TMEM135: variants seen among roughly 807,000 people sequenced by gnomAD.
TMEM135 encodes peroxisomal membrane protein 52.
In TMEM135, 30 loss-of-function variants were observed where a neutral mutation model predicts 60.3. The observed-to-expected ratio is 0.50, with a 90% CI of 0.37 to 0.68. The LOEUF is 0.68. Ranked by LOEUF, TMEM135 falls within the 30% of genes least tolerant of loss-of-function variation. The pLI, the probability that TMEM135 is intolerant of heterozygous loss-of-function variation, is 0.00. For synonymous variants in TMEM135, 190 were observed against 186.7 expected, an observed-to-expected ratio of 1.02 and a Z score of -0.14; for missense variants, 468 against 548.8, an observed-to-expected ratio of 0.85 and a Z score of 1.47.
intron 5 of TMEM135, among the ~76,000 whole-genome samples, chr11:87,231,939 T>G (rs898797154): frequency 1.3e-5 from 2 of 150,136 alleles, no homozygotes; most frequent in Non-Finnish European, 3.0e-5. Flanking sequence ...AAATGAAACA[T>G]AGAGAGAAAA....
chr11:87,284,657 T>G (rs1942131228), intron 6 of TMEM135, among the ~76,000 whole-genome samples: 1 of 152,234 alleles, frequency 6.6e-6, no homozygotes, highest in African/African-American at 2.4e-5. Context: ...GTGAAATATT[T>G]ATCAGAATAG....
rs538955728 is a variant in TMEM135 at position 87,301,038 on chromosome 11, G to GT, written c.552-1257dup. On this transcript the variant is annotated intron_variant, in intron 7 of 14. Transcript: ENST00000305494. ...GATCTTAAACTCTCTATGTACACCC[G>GT]TAAGTAAGAAACAAATTCATTTGAA... Among the ~76,000 whole-genome samples the GT allele has an allele frequency of 2.0e-3, 309 of 152,222 alleles. 1 individual carries two copies. Among genetic ancestry groups the GT allele is most frequent in the African/African-American group, 7.2e-3 (300 of 41,526 alleles).
intron 1 of TMEM135, among the ~76,000 whole-genome samples, chr11:87,041,283 A>AT (rs36088444): frequency 1.1e-3 from 158 of 145,680 alleles, no homozygotes; most frequent in African/African-American, 2.5e-3. Context: ...TTCGGTTCTC[A>AT]TTTTTTTTTT....
intron 4 of TMEM135, among the ~76,000 whole-genome samples, chr11:87,111,104 A>G (rs955575873): frequency 6.6e-6 from 1 of 152,206 alleles, no homozygotes; most frequent in Admixed American, 6.5e-5. Context: ...GCTATAGAGT[A>G]TATGTAGAAG....
chr11:87,260,180 C>T (rs1341322831), intron 6 of TMEM135, among the ~76,000 whole-genome samples: 26 of 152,182 alleles, frequency 1.7e-4, no homozygotes, highest in Non-Finnish European at 2.9e-5. Flanking sequence ...TTGAGCTTAT[C>T]AGGTTAGATT....
chr11:87,154,211 T>C (rs1267222569), intron 4 of TMEM135, among the ~76,000 whole-genome samples: 1 of 152,232 alleles, frequency 6.6e-6, no homozygotes, highest in Admixed American at 6.5e-5. Flanking sequence ...AGATACTTCA[T>C]ATAAGTGAAT....
chr11:87,068,048 A>T (rs971544672), intron 2 of TMEM135, among the ~76,000 whole-genome samples: 15 of 152,150 alleles, frequency 9.9e-5, no homozygotes, highest in African/African-American at 3.6e-4. Flanking sequence ...ATATAGCATA[A>T]ATACTTTAAG....
chr11:87,250,908 C>T (rs1941403037), intron 6 of TMEM135, among the ~76,000 whole-genome samples: 1 of 152,076 alleles, frequency 6.6e-6, no homozygotes, highest in Non-Finnish European at 1.5e-5. Flanking sequence ...ATAGGGGATG[C>T]TCTTGCAGTT....
intron 6 of TMEM135, among the ~76,000 whole-genome samples, chr11:87,244,315 T>A (rs2135382506): frequency 1.4e-5 from 1 of 70,972 alleles, no homozygotes; most frequent in East Asian, 2.4e-4. Context: ...AAATTCTCTT[T>A]TTTGGTTGTG....
chr11:87,304,955 G>A (rs1172383250), intron 8 of TMEM135, among the ~76,000 whole-genome samples: 7 of 152,154 alleles, frequency 4.6e-5, no homozygotes, highest in African/African-American at 1.7e-4. Context: ...CCACTAAAAT[G>A]AGTGCATCCT....
chr11:87,046,381 A>AAAAC (rs869069751), intron 1 of TMEM135, among the ~76,000 whole-genome samples: 4 of 152,242 alleles, frequency 2.6e-5, no homozygotes, highest in Admixed American at 6.5e-5. Flanking sequence ...TGTGTCTCAA[A>AAAAC]AAACAAACAA....
chr11:87,326,221 C>T lies in TMEM135; in HGVS notation c.*4888C>T, dbSNP rs1218725061. ...TGTTCCCTGGTCTTGGCATAGAGGC[C>T]ATAGGCATACAACATGCTTTATCTG... On this transcript the variant is annotated 3_prime_UTR_variant, in exon 15 of 15. Coordinates refer to ENST00000305494, the MANE Select transcript of TMEM135 (RefSeq NM_022918.4). 1.1e-5 allele frequency: 5 copies of T among 453,880 alleles called. No homozygotes were observed. The highest frequency in any genetic ancestry group is 7.1e-5 in the Admixed American group (3 of 42,542). 28.1% of individuals were successfully genotyped at this position (453,880 alleles called of 1,614,324 possible).
chr11:87,112,370 C>G (rs1156255035), intron 4 of TMEM135, among the ~76,000 whole-genome samples: 1 of 135,298 alleles, frequency 7.4e-6, no homozygotes. Context: ...CCTAAAAAAT[C>G]GCTCACTGTT....
chr11:87,061,450 T>A (rs1949946377), intron 1 of TMEM135, among the ~76,000 whole-genome samples: 1 of 152,198 alleles, frequency 6.6e-6, no homozygotes, highest in South Asian at 2.1e-4. Flanking sequence ...TTTAAAGAAA[T>A]CATTTTTTGC....
intron 13 of TMEM135, 34 bp downstream of exon 13, chr11:87,318,269 G>A: frequency 7.1e-7 from 1 of 1,416,022 alleles, no homozygotes; most frequent in Non-Finnish European, 1.0e-6. Context: ...GAAATTGAAT[G>A]ATTCCTGTTT....
intron 11 of TMEM135, 124 bp downstream of exon 11, chr11:87,313,612 G>T (rs1942678594): frequency 1.2e-6 from 1 of 854,974 alleles, no homozygotes; most frequent in African/African-American, 1.7e-5. Flanking sequence ...TAGAATTCCA[G>T]TTGAGGCACT....
At chr11:87,269,807 G>A (rs28837139) in intron 6 of TMEM135, among the ~76,000 whole-genome samples, 116 of 150,124 alleles carry the variant, frequency 7.7e-4, no homozygotes, top group Admixed American at 3.8e-3. Flanking sequence ...ATAAACATAC[G>A]TGTGCATGTG....
At chr11:87,251,367 A>C (rs1941412492) in intron 6 of TMEM135, among the ~76,000 whole-genome samples, 1 of 152,202 alleles carries the variant, frequency 6.6e-6, no homozygotes, top group Non-Finnish European at 1.5e-5. Flanking sequence ...AGTAGTGGCA[A>C]GAGGCATTAT....
At position 87,324,372 on chromosome 11, in the gene TMEM135, T is replaced by A. The variant is rs770507791; in HGVS notation, c.*3039T>A. On this transcript the variant is annotated 3_prime_UTR_variant, in exon 15 of 15. Transcript: ENST00000305494. The stretch of plus-strand genomic sequence containing the variant: ...TGGAGCAATGGCCCAAATGTTGTTT[T>A]TGGAGCAGAGAAATTATTAGCCCAG... 16 of 453,920 alleles carry A rather than the reference T, an allele frequency of 3.5e-5. No homozygotes were observed. The highest frequency in any genetic ancestry group is 2.5e-4 in the South Asian group (16 of 64,470). The allele number at this position is 453,920 out of a possible 1,614,324, so 28.1% of individuals were successfully genotyped here.
Sources: gnomAD v4.1 joint callset for allele counts (sites outside exome capture counted in the v4.1 genomes callset) on GRCh38, gnomAD v4.1.1 for gene constraint, MANE v1.5 for transcripts, NCBI Gene and HGNC (gene_info 2026-07-23, HGNC 2026-07-21) for gene names.